Variants in USP22 observed in about 807,000 individuals in gnomAD.
USP22 encodes ubiquitin carboxyl-terminal hydrolase 22.
In USP22, 22 loss-of-function variants were observed where a neutral mutation model predicts 68.1. That is an observed-to-expected ratio of 0.32 (90% CI 0.23 to 0.46). The LOEUF is 0.46. USP22 is among the 20% of genes least tolerant of loss of function. The pLI, the probability that USP22 is intolerant of heterozygous loss-of-function variation, is 1.00. For synonymous variants in USP22, 279 were observed against 274.2 expected, an observed-to-expected ratio of 1.02 and a Z score of -0.17; for missense variants, 433 against 695.8, an observed-to-expected ratio of 0.62 and a Z score of 4.25.
chr17:21,011,618 G>T (rs1323459162), intron 7 of USP22: 4 of 335,234 alleles, frequency 1.2e-5, no homozygotes, highest in Non-Finnish European at 2.3e-5. Context: ...CATGGGCCCT[G>T]TCAGAGGCTC....
At chr17:21,033,717 G>C (rs1972320575) in intron 1 of USP22, among the ~76,000 whole-genome samples, 1 of 151,942 alleles carries the variant, frequency 6.6e-6, no homozygotes, top group South Asian at 2.1e-4. Context: ...CTTTTTCAAG[G>C]ACTCAAACAC....
At chr17:21,005,150 C>T in intron 10 of USP22, 160 bp from the exon 11 acceptor site, 1 of 820,834 alleles carries the variant, frequency 1.2e-6, no homozygotes, top group Non-Finnish European at 1.9e-6. Flanking sequence ...TTCGTGAGGA[C>T]ACTGACGCTC....
intron 1 of USP22, among the ~76,000 whole-genome samples, chr17:21,030,486 T>C (rs989320470): frequency 6.6e-6 from 1 of 152,140 alleles, no homozygotes; most frequent in African/African-American, 2.4e-5. Context: ...ACTACTTCAG[T>C]CAATTAAACG....
intron 1 of USP22, among the ~76,000 whole-genome samples, chr17:21,039,269 G>T (rs1972396926): frequency 6.6e-6 from 1 of 150,954 alleles, no homozygotes; most frequent in Admixed American, 6.6e-5. Flanking sequence ...TTTATAGTCT[G>T]CAATACAAGA....
intron 8 of USP22, among the ~76,000 whole-genome samples, chr17:21,008,790 T>C (rs1038082181): frequency 1.3e-5 from 2 of 151,898 alleles, no homozygotes; most frequent in African/African-American, 4.8e-5. Context: ...AGCAGTTTAA[T>C]GTAGAGAGGT....
chr17:21,018,950 G>T, intron 4 of USP22, 134 bp downstream of exon 4: 1 of 885,700 alleles, frequency 1.1e-6, no homozygotes, highest in Non-Finnish European at 1.8e-6. Flanking sequence ...AGAGCTGGTT[G>T]CTGAGCACAT....
chr17:21,040,330 A>T (rs1972410367), intron 1 of USP22, among the ~76,000 whole-genome samples: 1 of 152,218 alleles, frequency 6.6e-6, no homozygotes, highest in Admixed American at 6.5e-5. Context: ...GCCACTAGAG[A>T]GTGCTAGAAA....
At chr17:21,011,434 T>C (rs1913967426) in intron 7 of USP22, 125 bp from the exon 8 acceptor site, 15 of 1,278,652 alleles carry the variant, frequency 1.2e-5, no homozygotes, top group Non-Finnish European at 1.6e-5. Context: ...GACACTCAGG[T>C]GGGATGGGGC....
At chr17:21,018,688 A>C (rs1972118121) in intron 4 of USP22, among the ~76,000 whole-genome samples, 1 of 146,102 alleles carries the variant, frequency 6.8e-6, no homozygotes, top group African/African-American at 2.5e-5. Flanking sequence ...ACAGAGCAAG[A>C]CTCTGTCTCA....
intron 12 of USP22, 152 bp downstream of exon 12, chr17:21,004,050 G>T: frequency 9.1e-7 from 1 of 1,103,728 alleles, no homozygotes; most frequent in Non-Finnish European, 1.3e-6. Context: ...CATCGAGGCT[G>T]GCATCCTATC....
Position 21,003,904 on chromosome 17 carries a change from A to AT in USP22, c.1535+297_1535+298insA, listed in dbSNP as rs1434496143. Among the ~76,000 whole-genome samples the AT allele has an allele frequency of 4.2e-3, 625 of 149,528 alleles. 3 individuals carry two copies. The South Asian group carries it at 0.057, about 14-fold the overall frequency. On this transcript the variant is annotated intron_variant, in intron 12 of 12. Transcript: ENST00000261497. Reference sequence around the variant, plus strand: ...AACAAGAGCGAAACTCCGTCTCAAAAAAAAAAAAAAAAAAAAAAAGAACTG... The same window carrying AT: ...AACAAGAGCGAAACTCCGTCTCAAAATAAAAAAAAAAAAAAAAAAAGAACTG...
At position 21,020,543 on chromosome 17, in the gene USP22, C is replaced by T. The variant is rs529579634; in HGVS notation, c.418+570G>A. On this transcript the variant is annotated intron_variant, in intron 3 of 12. Coordinates refer to ENST00000261497, the MANE Select transcript of USP22 (RefSeq NM_015276.2). ...GTCTAGTTTCCATCTGGTGGGTGCA[C>T]GCTGTTGACATGGATTTAACATCAC... Among the ~76,000 whole-genome samples, 4 of 152,180 alleles carry T rather than the reference C, an allele frequency of 2.6e-5. No homozygotes were observed. The South Asian group carries it at 6.2e-4, about 24-fold the overall frequency.
chr17:21,017,861 C>T, intron 5 of USP22, 81 bp downstream of exon 5: 2 of 1,534,154 alleles, frequency 1.3e-6, no homozygotes, highest in South Asian at 2.4e-5. Context: ...CTTCCTTTAT[C>T]ATGGTCCACC....
At chr17:21,033,699 T>C (rs2143633592) in intron 1 of USP22, among the ~76,000 whole-genome samples, 1 of 152,294 alleles carries the variant, frequency 6.6e-6, no homozygotes, top group South Asian at 2.1e-4. Context: ...GTGCATTCTC[T>C]TCAGTGACTT....
At chr17:21,043,302 C>CCCCCCCCCCCCCCCCCCCCCCCCG (rs1567596616), upstream of USP22, 4 of 47,548 alleles carry the variant, frequency 8.4e-5, no homozygotes, top group Non-Finnish European at 2.4e-4. Context: ...GTAGGCCACC[C>CCCCCCCCCCCCCCCCCCCCCCCCG]CCCCCCCCCC....
At chr17:21,015,259 C>G (rs1256643871) in intron 6 of USP22, among the ~76,000 whole-genome samples, 1 of 152,210 alleles carries the variant, frequency 6.6e-6, no homozygotes, top group Non-Finnish European at 1.5e-5. Flanking sequence ...TGGCCCAGGT[C>G]CAATGAGACC....
intron 1 of USP22, among the ~76,000 whole-genome samples, chr17:21,038,481 C>T (rs1168678733): frequency 6.6e-6 from 1 of 151,990 alleles, no homozygotes; most frequent in Admixed American, 6.6e-5. Flanking sequence ...CCAGCCTGGG[C>T]AACATGGCAA....
At position 21,002,909 on chromosome 17, in the gene USP22, G is replaced by A. The variant is rs1214424802; in HGVS notation, c.*122C>T. 1.5e-5 allele frequency: 18 copies of A among 1,197,832 alleles called. No individual in the cohort carries two copies. The highest frequency in any genetic ancestry group is 2.2e-5 in the Non-Finnish European group (18 of 820,824). 74.2% of individuals were successfully genotyped at this position (1,197,832 alleles called of 1,614,324 possible). ...GTGCAGAGGGGCCACATCTGCATGG[G>A]AGGTGGTGTCACCAGGCCGGGGAGG... On this transcript the variant is annotated 3_prime_UTR_variant, in exon 13 of 13. Transcript: ENST00000261497.
At chr17:21,012,599 C>G (rs990372219) in intron 7 of USP22, among the ~76,000 whole-genome samples, 2 of 151,974 alleles carry the variant, frequency 1.3e-5, no homozygotes, top group Non-Finnish European at 2.9e-5. Context: ...CTGTAGACAA[C>G]AGCCAAGACC....
Sources: allele counts gnomAD v4.1 joint callset (sites outside exome capture counted in the v4.1 genomes callset), GRCh38; gene constraint gnomAD v4.1.1; transcripts MANE v1.5; gene names NCBI Gene and HGNC (gene_info 2026-07-23, HGNC 2026-07-21).